The following ABCB11 variants were observed in gnomAD, a reference collection of about 807,000 sequenced individuals.
ABCB11 encodes ATP binding cassette subfamily B member 11.
A neutral mutation model predicts 148.0 loss-of-function variants in ABCB11; 95 were observed. The ratio of observed to expected loss-of-function variants is 0.64; its 90% CI spans 0.54 to 0.76. ABCB11 has a LOEUF of 0.76. Among genes scored for constraint, ABCB11 ranks in the 30% least tolerant of loss-of-function variants. ABCB11 has a pLI of 0.00. For missense variants in ABCB11, 1,523 were observed against 1,617.8 expected, an observed-to-expected ratio of 0.94 and a Z score of 1.01; for synonymous variants, 591 against 555.4, an observed-to-expected ratio of 1.06 and a Z score of -0.90.
At position 169,013,679 on chromosome 2, in the gene ABCB11, G is replaced by A. The variant is rs147753339; in HGVS notation, c.151-169C>T. ...GTATACTAATTATATTGAAATAAACGGCACGGTACATCAATTATCTAAAAC... is the reference window on the plus strand; with the variant it reads ...GTATACTAATTATATTGAAATAAACAGCACGGTACATCAATTATCTAAAAC... On this transcript the variant is annotated intron_variant, in intron 4 of 27. Coordinates refer to ENST00000650372, the MANE Select transcript of ABCB11 (RefSeq NM_003742.4). Among the ~76,000 whole-genome samples, 322 of 152,078 alleles carry A rather than the reference G, an allele frequency of 2.1e-3. 1 individual carries two copies. Among genetic ancestry groups the A allele is most frequent in the South Asian group, 5.0e-3 (24 of 4,818 alleles).
Position 168,923,770 on chromosome 2 carries a change from A to C in ABCB11, c.3818T>G (p.Ile1273Ser). Residue 1273 changes from isoleucine (I) to serine (S), a missense_variant, in exon 28 of 28, where the codon ATT becomes AGT. Coordinates refer to ENST00000650372, the MANE Select transcript of ABCB11 (RefSeq NM_003742.4). ...KAREGRTCIVIAHRLSTIQNA... is the reference protein window; with the variant it reads ...KAREGRTCIVSAHRLSTIQNA... ...CTGGATGGTGGACAAGCGATGGGCA[A>C]TGACAATGCAGGTCCGACCCTCTCT... is the stretch of plus-strand genomic sequence containing the variant. 6.2e-7 allele frequency: 1 copy of C among 1,613,966 alleles called. No individual in the cohort carries two copies. Among genetic ancestry groups the C allele is most frequent in the Non-Finnish European group, 8.5e-7 (1 of 1,179,884 alleles).
intron 21 of ABCB11, among the ~76,000 whole-genome samples, chr2:168,943,752 T>C (rs1243872389): frequency 9.1e-6 from 1 of 109,366 alleles, no homozygotes; most frequent in African/African-American, 2.9e-5. Context: ...TTAAACTGTC[T>C]AGGAGTTGAG....
chr2:168,939,905 A>T (rs1256223240), intron 21 of ABCB11, among the ~76,000 whole-genome samples: 3 of 152,072 alleles, frequency 2.0e-5, no homozygotes, highest in Admixed American at 2.0e-4. Context: ...GTGATCTGTG[A>T]TCAGTGATCT....
chr2:168,965,154 G>C (rs1347069456), intron 17 of ABCB11, among the ~76,000 whole-genome samples: 1 of 151,804 alleles, frequency 6.6e-6, no homozygotes, highest in African/African-American at 2.4e-5. Context: ...GTAGGATATG[G>C]GGATTTGTAG....
At chr2:168,950,120 A>C (rs1692491378) in intron 19 of ABCB11, among the ~76,000 whole-genome samples, 1 of 129,614 alleles carries the variant, frequency 7.7e-6, no homozygotes, top group Non-Finnish European at 1.6e-5. Context: ...TATATATCCT[A>C]TTACTCCCAT....
In ABCB11 at chr2:168,969,469, T is replaced by C. The variant is rs1693474350; in HGVS notation, c.1892A>G (p.His631Arg). 6.2e-7 allele frequency: 1 copy of C among 1,612,580 alleles called. No individual in the cohort carries two copies. The highest frequency in any genetic ancestry group is 1.7e-5 in the Admixed American group (1 of 59,830). ...RAADTIIGFEHGTAVERGTHE... is the reference protein window; with the variant it reads ...RAADTIIGFERGTAVERGTHE... ...GGTCCCTCTTTCCACTGCAGTGCCA[T>C]GTTCAAAACCAATGATGGTATCTGC... The change falls in exon 16 of 28, where the codon CAT becomes CGT. Residue 631 changes from histidine to arginine, a missense_variant. Physicochemically the swap from His to Arg is conservative, Grantham distance 29 (BLOSUM62 0). Transcript: ENST00000650372.
intron 18 of ABCB11, 27 bp downstream of exon 18, chr2:168,964,179 C>G (rs768223837): frequency 7.4e-6 from 11 of 1,490,922 alleles, no homozygotes; most frequent in South Asian, 1.2e-5. Context: ...TTCTTCCATT[C>G]CCCCCCATAA....
chr2:168,991,170 T>C (rs978639766), intron 8 of ABCB11, among the ~76,000 whole-genome samples: 9 of 152,094 alleles, frequency 5.9e-5, no homozygotes, highest in Non-Finnish European at 1.2e-4. Flanking sequence ...AAAGAATAAA[T>C]TCCAAATAGG....
intron 5 of ABCB11, among the ~76,000 whole-genome samples, chr2:169,003,323 C>CGTGTGTGTGTGTGTGT (rs139250976): frequency 7.1e-6 from 1 of 141,632 alleles, no homozygotes; most frequent in African/African-American, 2.6e-5. Context: ...TTCCATGGTG[C>CGTGTGTGTGTGTGTGT]GTGTGTGTGT....
At chr2:169,022,748 T>A (rs1468786571) in intron 1 of ABCB11, among the ~76,000 whole-genome samples, 1 of 152,056 alleles carries the variant, frequency 6.6e-6, no homozygotes, top group Non-Finnish European at 1.5e-5. Flanking sequence ...AAAAATAGGC[T>A]TATAATTACT....
rs140984070 is a variant in ABCB11 at position 168,925,750 on chromosome 2, G to A, written c.3619-947C>T. On this transcript the variant is annotated intron_variant, in intron 26 of 27. Coordinates refer to ENST00000650372, the MANE Select transcript of ABCB11 (RefSeq NM_003742.4). Reference sequence around the variant, plus strand: ...CTCCTTTAAGCCAGGTGAGACCCATGAAAACCTGCTTTGTCTTTGTGGAGA... The same window carrying A: ...CTCCTTTAAGCCAGGTGAGACCCATAAAAACCTGCTTTGTCTTTGTGGAGA... 2.6e-5 allele frequency among the ~76,000 whole-genome samples: 4 copies of A among 152,310 alleles called. No homozygotes were observed. The East Asian group carries it at 7.7e-4, about 29-fold the overall frequency.
At chr2:168,929,172 AT>A (rs984849748) in intron 25 of ABCB11, among the ~76,000 whole-genome samples, 5 of 152,176 alleles carry the variant, frequency 3.3e-5, no homozygotes, top group Non-Finnish European at 5.9e-5. Flanking sequence ...TCTATGAACT[AT>A]TTCTTAGAAA....
chr2:169,016,812 A>G lies in ABCB11; in HGVS notation c.77-13T>C. The G allele has an allele frequency of 6.3e-7, 1 of 1,584,352 alleles. No homozygotes were observed. Among genetic ancestry groups the G allele is most frequent in the Non-Finnish European group, 8.6e-7 (1 of 1,164,066 alleles). On this transcript the variant is annotated splice_polypyrimidine_tract_variant and intron_variant, in intron 2 of 27. Coordinates refer to ENST00000650372, the MANE Select transcript of ABCB11 (RefSeq NM_003742.4). Reference sequence around the variant, plus strand: ...TTATCATTATTATCTGTCAGAAAAAAAAATCAACGCAAAAAAGCAGTTAAT... The same window carrying G: ...TTATCATTATTATCTGTCAGAAAAAGAAATCAACGCAAAAAAGCAGTTAAT...
At chr2:169,029,273 CTTTT>C (rs4148769) in intron 1 of ABCB11, among the ~76,000 whole-genome samples, 5 of 147,112 alleles carry the variant, frequency 3.4e-5, no homozygotes, top group African/African-American at 7.5e-5. Context: ...TCTTTTCTTT[CTTTT>C]TTTTTTTTTT....
Position 168,970,131 on chromosome 2 carries a change from G to T in ABCB11, c.1723C>A (p.Arg575=). 6.2e-7 allele frequency: 1 copy of T among 1,612,930 alleles called. No homozygotes were observed. The highest frequency in any genetic ancestry group is 8.5e-7 in the Non-Finnish European group (1 of 1,179,300). ...TCCAAAAGCAGAATCTTGGGATTTCGGATGAGGGCTCTGGCGATAGCTACC... is the reference window on the plus strand; with the variant it reads ...TCCAAAAGCAGAATCTTGGGATTTCTGATGAGGGCTCTGGCGATAGCTACC... The part of the protein sequence containing the change: ...QRVAIARALI[R]NPKILLLDMA... The change falls in exon 15 of 28, where the codon CGA becomes AGA. Residue 575 remains arginine (R), a synonymous_variant. Coordinates refer to ENST00000650372, the MANE Select transcript of ABCB11 (RefSeq NM_003742.4).
intron 21 of ABCB11, among the ~76,000 whole-genome samples, chr2:168,937,378 A>G (rs193213345): frequency 4.6e-5 from 7 of 152,332 alleles, no homozygotes; most frequent in Non-Finnish European, 8.8e-5. Flanking sequence ...TAGGAGTGGA[A>G]TTGCTGGGTC....
intron 6 of ABCB11, among the ~76,000 whole-genome samples, chr2:168,996,233 T>C (rs1028170096): frequency 2.0e-5 from 3 of 152,018 alleles, no homozygotes; most frequent in African/African-American, 4.8e-5. Flanking sequence ...TGGGTTGGAA[T>C]GCAGTTTGTT....
At chr2:169,030,946 A>G (rs1476465172) in intron 1 of ABCB11, among the ~76,000 whole-genome samples, 1 of 152,100 alleles carries the variant, frequency 6.6e-6, no homozygotes, top group Non-Finnish European at 1.5e-5. Flanking sequence ...CTATTCGGCC[A>G]TTTGTACCAC....
intron 24 of ABCB11, 60 bp downstream of exon 24, chr2:168,932,317 G>A (rs1691605557): frequency 1.4e-6 from 2 of 1,403,082 alleles, no homozygotes; most frequent in African/African-American, 1.4e-5. Flanking sequence ...CTTCATCCCT[G>A]TCCCTGCAAA....
Sources: gnomAD v4.1 joint callset for allele counts (sites outside exome capture counted in the v4.1 genomes callset) on GRCh38, gnomAD v4.1.1 for gene constraint, MANE v1.5 for transcripts, NCBI Gene and HGNC (gene_info 2026-07-23, HGNC 2026-07-21) for gene names.